The following SEC11A variants were observed in gnomAD, a reference collection of about 807,000 sequenced individuals.
SEC11A encodes SEC11 homolog A, signal peptidase complex subunit.
A neutral mutation model predicts 25.6 loss-of-function variants in SEC11A; 14 were observed. The observed-to-expected ratio is 0.55, with a 90% confidence interval of 0.36 to 0.85. SEC11A has a LOEUF of 0.85. Among genes scored for constraint, SEC11A ranks in the 40% least tolerant of loss-of-function variants. The pLI, the probability that SEC11A is intolerant of heterozygous loss-of-function variation, is 0.01. For synonymous variants in SEC11A, 83 were observed against 76.4 expected (o/e 1.09, Z -0.45); for missense variants, 153 against 222.9 (o/e 0.69, Z 2.00).
intron 1 of SEC11A, among the ~76,000 whole-genome samples, chr15:84,700,379 T>C (rs1303926140): frequency 6.6e-6 from 1 of 151,204 alleles, no homozygotes; most frequent in African/African-American, 2.4e-5. Context: ...GCAGATCACA[T>C]GGTCAGGAGT....
intron 1 of SEC11A, among the ~76,000 whole-genome samples, chr15:84,710,536 C>G (rs1188244008): frequency 6.6e-6 from 1 of 152,232 alleles, no homozygotes; most frequent in Admixed American, 6.5e-5. Context: ...ACTCTGGAGG[C>G]TGTGGCAGGG....
chr15:84,691,397 G>C, intron 2 of SEC11A, 138 bp downstream of exon 2: 1 of 593,658 alleles, frequency 1.7e-6, no homozygotes, highest in Non-Finnish European at 3.0e-6. Context: ...CAACTGATAA[G>C]TAGTGACTAA....
intron 1 of SEC11A, among the ~76,000 whole-genome samples, chr15:84,699,755 G>A (rs1199583587): frequency 6.7e-6 from 1 of 150,078 alleles, no homozygotes; most frequent in Non-Finnish European, 1.5e-5. Context: ...CAAGATCCCC[G>A]TTCTCCACGG....
intron 4 of SEC11A, chr15:84,679,898 A>G (rs1226389530): frequency 3.4e-6 from 5 of 1,455,104 alleles, no homozygotes; most frequent in Non-Finnish European, 4.6e-6. Context: ...TAAGGGAGCA[A>G]CAATGCCATA....
At chr15:84,704,164 A>G (rs1898029390) in intron 1 of SEC11A, among the ~76,000 whole-genome samples, 1 of 152,220 alleles carries the variant, frequency 6.6e-6, no homozygotes, top group African/African-American at 2.4e-5. Flanking sequence ...TTGCTAGAGT[A>G]AACTCCGGAT....
intron 3 of SEC11A, among the ~76,000 whole-genome samples, chr15:84,685,136 A>G (rs191771648): frequency 2.6e-4 from 40 of 152,338 alleles, no homozygotes; most frequent in African/African-American, 9.4e-4. Flanking sequence ...TAAAATCATC[A>G]GAATTCTGTA....
chr15:84,680,468 A>G (rs1012737210), intron 4 of SEC11A, among the ~76,000 whole-genome samples: 4 of 152,134 alleles, frequency 2.6e-5, no homozygotes, highest in African/African-American at 9.7e-5. Flanking sequence ...TGTCACATCC[A>G]ATTCACCATC....
intron 2 of SEC11A, among the ~76,000 whole-genome samples, chr15:84,688,696 G>T (rs1261575954): frequency 6.6e-6 from 1 of 152,174 alleles, no homozygotes; most frequent in Non-Finnish European, 1.5e-5. Flanking sequence ...ATGGCAGTGG[G>T]TCTCAAATTT....
At chr15:84,698,027 T>C (rs1897818084) in intron 1 of SEC11A, among the ~76,000 whole-genome samples, 1 of 152,176 alleles carries the variant, frequency 6.6e-6, no homozygotes, top group Non-Finnish European at 1.5e-5. Context: ...TTAGGAAGTA[T>C]TGTGTAGAGC....
intron 5 of SEC11A, 48 bp downstream of exon 5, chr15:84,670,677 G>C: frequency 1.0e-6 from 1 of 959,170 alleles, no homozygotes; most frequent in South Asian, 1.5e-5. Flanking sequence ...ACTGTGCCTG[G>C]CCCAAAAGAT....
At chr15:84,709,987 T>C (rs1305988965) in intron 1 of SEC11A, among the ~76,000 whole-genome samples, 2 of 151,974 alleles carry the variant, frequency 1.3e-5, no homozygotes, top group Non-Finnish European at 2.9e-5. Context: ...AAGCGATTCA[T>C]CCATCTCGGC....
At chr15:84,712,223 CAGAG>C (rs1049139252) in intron 1 of SEC11A, among the ~76,000 whole-genome samples, 20 of 145,196 alleles carry the variant, frequency 1.4e-4, no homozygotes, top group African/African-American at 5.3e-4. Context: ...GCCTGGGCAA[CAGAG>C]AGAGACCTTG....
In SEC11A at chr15:84,670,027, G is replaced by C; in HGVS notation, c.532C>G (p.Arg178Gly). 6.2e-7 allele frequency: 1 copy of C among 1,613,428 alleles called. No individual in the cohort carries two copies. The change falls in exon 6 of 6, where the codon CGT becomes GGT. Residue 178 changes from arginine to glycine, a missense_variant. By Grantham distance (125) the Arg-to-Gly change is moderately radical (BLOSUM62 -2). Coordinates refer to ENST00000268220, the MANE Select transcript of SEC11A (RefSeq NM_014300.4). ...ACAGCAAGGCAGGCTTCTTACTCAC[G>C]ATGAACCAGCACGAATAAACCCAGC... ...FLLGLFVLVH[R>G]E
chr15:84,693,619 C>G (rs1010559006), intron 1 of SEC11A, among the ~76,000 whole-genome samples: 1 of 151,884 alleles, frequency 6.6e-6, no homozygotes, highest in Non-Finnish European at 1.5e-5. Flanking sequence ...CATCATCACG[C>G]CCGGCCAATT....
chr15:84,710,538 G>A (rs886143842), intron 1 of SEC11A, among the ~76,000 whole-genome samples: 1 of 152,276 alleles, frequency 6.6e-6, no homozygotes, highest in East Asian at 1.9e-4. Context: ...TCTGGAGGCT[G>A]TGGCAGGGGA....
At chr15:84,703,874 G>C (rs140658287) in intron 1 of SEC11A, among the ~76,000 whole-genome samples, 84 of 152,290 alleles carry the variant, frequency 5.5e-4, no homozygotes, top group African/African-American at 2.0e-3. Context: ...CTCAGCAGAA[G>C]CTCTTAATAA....
chr15:84,703,740 G>A (rs1320277974), intron 1 of SEC11A, among the ~76,000 whole-genome samples: 1 of 152,172 alleles, frequency 6.6e-6, no homozygotes, highest in Non-Finnish European at 1.5e-5. Flanking sequence ...GCGACTTGGA[G>A]GGGACATCAC....
chr15:84,701,787 T>G (rs138788563), intron 1 of SEC11A, among the ~76,000 whole-genome samples: 3,199 of 152,236 alleles, frequency 0.021, 50 homozygotes, highest in Non-Finnish European at 0.028. Flanking sequence ...AAGTAGATTT[T>G]GGCCGGGCAC....
chr15:84,703,096 C>A (rs1384709728), intron 1 of SEC11A, among the ~76,000 whole-genome samples: 1 of 152,090 alleles, frequency 6.6e-6, no homozygotes, highest in Non-Finnish European at 1.5e-5. Context: ...AAATGACAGG[C>A]AAGACCTTTG....
Sources: gnomAD v4.1 joint callset for allele counts (sites outside exome capture counted in the v4.1 genomes callset) on GRCh38, gnomAD v4.1.1 for gene constraint, MANE v1.5 for transcripts, NCBI Gene and HGNC (gene_info 2026-07-23, HGNC 2026-07-21) for gene names.